Variants in DGKD observed in about 807,000 individuals in gnomAD.
DGKD encodes DAG kinase delta.
In DGKD, 68 loss-of-function variants were observed where a neutral mutation model predicts 154.4. The ratio of observed to expected loss-of-function variants is 0.44; its 90% CI spans 0.36 to 0.54. The LOEUF (loss-of-function observed/expected upper bound fraction) is 0.54. DGKD is among the 20% of genes least tolerant of loss of function. DGKD has a pLI of 0.00. For synonymous variants in DGKD, 693 were observed against 638.0 expected (o/e 1.09, Z -1.30); for missense variants, 1,343 against 1,593.6 (o/e 0.84, Z 2.68).
At chr2:233,357,827 G>A (rs1574968878) in intron 1 of DGKD, among the ~76,000 whole-genome samples, 1 of 152,146 alleles carries the variant, frequency 6.6e-6, no homozygotes, top group East Asian at 1.9e-4. Context: ...TTGAGCCAAT[G>A]CACCTGGCAG....
At chr2:233,462,528 T>C in intron 25 of DGKD, 69 bp downstream of exon 25, 1 of 1,533,346 alleles carries the variant, frequency 6.5e-7, no homozygotes, top group Non-Finnish European at 9.0e-7. Context: ...TCCCCGTGCG[T>C]GTTCATTCCC....
rs1190438030 is a variant in DGKD at position 233,354,538 on chromosome 2, C to G, written c.20C>G (p.Ala7Gly). 3.0e-6 allele frequency: 3 copies of G among 996,934 alleles called. No individual in the cohort carries two copies. Among genetic ancestry groups the G allele is most frequent in the African/African-American group, 1.8e-5 (1 of 56,646 alleles). 61.8% of individuals were successfully genotyped at this position (996,934 alleles called of 1,614,324 possible). A position where few individuals can be genotyped will look rare whatever the true frequency, so the allele number is the denominator to read the frequency against. The change falls in exon 1 of 30, where the codon GCC becomes GGC. Residue 7 changes from alanine (A) to glycine (G), a missense_variant. Physicochemically the swap from Ala to Gly is moderately conservative, Grantham distance 60. Around this residue, in one of 6 missense-constraint regions of DGKD, gnomAD observed 57 missense variants for 27.8 expected, o/e 2.05. Coordinates refer to ENST00000264057, the MANE Select transcript of DGKD (RefSeq NM_152879.3). This position sits in a 1 kb window ranked among gnomAD's most constrained non-coding sequence, Gnocchi z 4.8. ...GGCAGCATGGCGGCGGCGGCGGGCG[C>G]CCCTCCGCCGGGTCCCCCGCAACCG... MAAAAG[A>G]PPPGPPQPPP...
intron 3 of DGKD, among the ~76,000 whole-genome samples, chr2:233,420,561 A>G (rs1303319161): frequency 6.6e-5 from 10 of 152,230 alleles, no homozygotes; most frequent in Admixed American, 4.6e-4. Context: ...AGGCATAAAC[A>G]GTATATAGCA....
At position 233,455,834 on chromosome 2, in the gene DGKD, A is replaced by T. The variant is rs923005034; in HGVS notation, c.2375+961A>T. Among the ~76,000 whole-genome samples the T allele has an allele frequency of 2.0e-5, 3 of 152,192 alleles. No homozygotes were observed. In the East Asian group the frequency reaches 5.8e-4, roughly 29 times the overall value. ...GTAGTTGAAAATTTCTAGGAAAACA[A>T]AAGCATCAGAACTGAAAGAACTTTT... On this transcript the variant is annotated intron_variant, in intron 19 of 29. Coordinates refer to ENST00000264057, the MANE Select transcript of DGKD (RefSeq NM_152879.3).
chr2:233,379,473 G>A (rs1702770052), intron 1 of DGKD, among the ~76,000 whole-genome samples: 1 of 152,180 alleles, frequency 6.6e-6, no homozygotes, highest in Admixed American at 6.5e-5. Context: ...TTTGGGAGTG[G>A]GCCCTGGCTC....
intron 18 of DGKD, among the ~76,000 whole-genome samples, chr2:233,453,855 C>T (rs748629831): frequency 3.9e-5 from 6 of 152,172 alleles, no homozygotes; most frequent in Admixed American, 6.5e-5. Context: ...TCTCGTCTGT[C>T]GCACACGGGG....
At position 233,469,442 on chromosome 2, in the gene DGKD, C is replaced by G. The variant is rs2063935671; in HGVS notation, c.3627C>G (p.Ala1209=). 6.2e-7 allele frequency: 1 copy of G among 1,604,358 alleles called. No homozygotes were observed. Among genetic ancestry groups the G allele is most frequent in the East Asian group, 2.3e-5 (1 of 44,430 alleles). The change falls in exon 30 of 30, where the codon GCC becomes GCG. Residue 1209 remains alanine (A), a synonymous_variant. Coordinates refer to ENST00000264057, the MANE Select transcript of DGKD (RefSeq NM_152879.3). ...GCATCAAGGAGCTGAGCCGCAGCGCCCCCGCCGTCGAGGCCTAGCCTCTGT... is the reference window on the plus strand; with the variant it reads ...GCATCAAGGAGCTGAGCCGCAGCGCGCCCGCCGTCGAGGCCTAGCCTCTGT... ...LCGIKELSRS[A]PAVEA
intron 3 of DGKD, among the ~76,000 whole-genome samples, chr2:233,416,464 CA>C (rs10719311): frequency 0.094 from 14,298 of 152,118 alleles, 732 homozygotes; most frequent in African/African-American, 0.15. Flanking sequence ...CTTCAGTGAC[CA>C]AAAAAGTGGA....
chr2:233,468,544 G>T lies in DGKD; in HGVS notation c.3546G>T (p.Arg1182Ser). The T allele has an allele frequency of 6.2e-7, 1 of 1,613,640 alleles. No homozygotes were observed. Among genetic ancestry groups the T allele is most frequent in the Non-Finnish European group, 8.5e-7 (1 of 1,179,948 alleles). ...CTGAGCTCCTGCACCTGGAGCGGAG[G>T]GACCTCAAGGTACTTCCATAGGCGT... ...RGSELLHLER[R>S]DLKDLGVTKV... The change falls in exon 29 of 30, where the codon AGG becomes AGT. Residue 1182 changes from arginine to serine, a missense_variant. Transcript: ENST00000264057.
chr2:233,379,913 T>A (rs1461511829), intron 1 of DGKD: 1 of 152,242 alleles, frequency 6.6e-6, no homozygotes, highest in Non-Finnish European at 1.5e-5. Flanking sequence ...TGTAACTGAT[T>A]GTGAACCATC....
chr2:233,422,639 TGC>T (rs2062158063), intron 3 of DGKD, among the ~76,000 whole-genome samples: 1 of 152,234 alleles, frequency 6.6e-6, no homozygotes, highest in African/African-American at 2.4e-5. Flanking sequence ...ACTTTTAACT[TGC>T]GCTGCCCACA....
intron 1 of DGKD, among the ~76,000 whole-genome samples, chr2:233,360,002 C>T (rs972863195): frequency 6.6e-5 from 10 of 152,182 alleles, no homozygotes; most frequent in African/African-American, 2.4e-4. Context: ...GGAGCAGTGC[C>T]TTCTGCTTCT....
chr2:233,421,493 T>C (rs1037537100), intron 3 of DGKD, among the ~76,000 whole-genome samples: 2 of 152,206 alleles, frequency 1.3e-5, no homozygotes, highest in Non-Finnish European at 2.9e-5. Context: ...TGGCTTCTTA[T>C]TTTACGTGGA....
At chr2:233,450,222 T>C (rs376985423) in intron 16 of DGKD, 91 bp downstream of exon 16, 1 of 1,429,150 alleles carries the variant, frequency 7.0e-7, no homozygotes, top group Non-Finnish European at 9.3e-7. Flanking sequence ...TTAGGGCACT[T>C]TCTCATAGTT....
intron 27 of DGKD, among the ~76,000 whole-genome samples, chr2:233,464,744 C>T (rs563927044): frequency 2.0e-5 from 3 of 152,314 alleles, no homozygotes; most frequent in East Asian, 3.9e-4. Context: ...GGGAGGGACC[C>T]GAGGACGCAG....
chr2:233,416,118 A>ATGTTTTATTGTGGTAGAATAC (rs1409991743), intron 3 of DGKD, among the ~76,000 whole-genome samples: 3 of 152,068 alleles, frequency 2.0e-5, no homozygotes, highest in Non-Finnish European at 4.4e-5. Context: ...TCCCTCATTT[A>ATGTTTTATTGTGGTAGAATAC]TGTTTTATTG....
At chr2:233,446,866 G>T in intron 12 of DGKD, 70 bp downstream of exon 12, 1 of 1,563,254 alleles carries the variant, frequency 6.4e-7, no homozygotes. Context: ...TCAGCGGTTT[G>T]CATCACCTCC....
intron 1 of DGKD, among the ~76,000 whole-genome samples, chr2:233,368,781 T>C (rs1432081474): frequency 6.6e-6 from 1 of 152,224 alleles, no homozygotes; most frequent in East Asian, 1.9e-4. Flanking sequence ...GATGCTAAAA[T>C]TATCCTGATT....
At chr2:233,467,381 T>A (rs191893639) in intron 28 of DGKD, among the ~76,000 whole-genome samples, 178 bp downstream of exon 28, 3 of 152,320 alleles carry the variant, frequency 2.0e-5, no homozygotes, top group Non-Finnish European at 4.4e-5. Flanking sequence ...CCACCCTGCC[T>A]GCTTCCCCTC....
Sources: allele counts gnomAD v4.1 joint callset (sites outside exome capture counted in the v4.1 genomes callset), GRCh38; gene constraint gnomAD v4.1.1; regional missense constraint gnomAD v4.1.1; non-coding constraint Gnocchi (gnomAD v3.1); transcripts MANE v1.5; gene names NCBI Gene and HGNC (gene_info 2026-07-23, HGNC 2026-07-21).